AUTS2: variants seen among roughly 807,000 people sequenced by gnomAD.
AUTS2 encodes the protein autism susceptibility gene 2 protein.
A neutral mutation model predicts 112.4 loss-of-function variants in AUTS2; 17 were observed. That is an observed-to-expected ratio of 0.15 (90% CI 0.10 to 0.23). The LOEUF is 0.23. AUTS2 is among the 10% of genes least tolerant of loss of function. The pLI is 1.00. For missense variants in AUTS2, 1,510 were observed against 1,701.6 expected (o/e 0.89, Z 1.98); for synonymous variants, 751 against 702.7 (o/e 1.07, Z -1.09).
At chr7:69,998,714 G>C (rs955602397) in intron 2 of AUTS2, among the ~76,000 whole-genome samples, 1 of 152,072 alleles carries the variant, frequency 6.6e-6, no homozygotes, top group African/African-American at 2.4e-5. Flanking sequence ...GGGGAATATA[G>C]AAAAAAGTAT....
chr7:70,362,018 T>C (rs1585057678), intron 4 of AUTS2, among the ~76,000 whole-genome samples: 1 of 152,228 alleles, frequency 6.6e-6, no homozygotes, highest in East Asian at 1.9e-4. Context: ...AAAGTGATTA[T>C]TATGTAAACC....
chr7:70,194,654 C>G (rs1218063118), intron 4 of AUTS2: 2 of 152,164 alleles, frequency 1.3e-5, no homozygotes, highest in African/African-American at 4.8e-5. Flanking sequence ...TGTTTGCTAT[C>G]TCTCCCATCC....
intron 1 of AUTS2, among the ~76,000 whole-genome samples, chr7:69,664,769 T>C (rs1333899566): frequency 6.6e-6 from 1 of 152,120 alleles, no homozygotes. Context: ...GTTGAAGAGG[T>C]TAACGATATA....
intron 5 of AUTS2, among the ~76,000 whole-genome samples, chr7:70,515,272 G>C (rs777684950): frequency 3.3e-5 from 5 of 152,202 alleles, no homozygotes; most frequent in Non-Finnish European, 5.9e-5. Flanking sequence ...GGATTGCAGA[G>C]AGGAGAGGCT....
In AUTS2 at chr7:70,285,618, G is replaced by A. The variant is rs1405913339; in HGVS notation, c.661-150134G>A. On this transcript the variant is annotated intron_variant, in intron 4 of 18. Coordinates refer to ENST00000342771, the MANE Select transcript of AUTS2 (RefSeq NM_015570.4). ...TGTCTCCCTGAAATCTTCTTCAGCTGCTTCCATGTACTGATATCTTCTTCC... is the reference window on the plus strand; with the variant it reads ...TGTCTCCCTGAAATCTTCTTCAGCTACTTCCATGTACTGATATCTTCTTCC... 1.2e-4 allele frequency among the ~76,000 whole-genome samples: 18 copies of A among 152,118 alleles called. 1 individual carries two copies. The highest frequency in any genetic ancestry group is 1.2e-3 in the Admixed American group (18 of 15,256).
intron 4 of AUTS2, among the ~76,000 whole-genome samples, chr7:70,279,893 C>T (rs1788123661): frequency 6.6e-6 from 1 of 152,124 alleles, no homozygotes; most frequent in Non-Finnish European, 1.5e-5. Flanking sequence ...TATTTGTCTA[C>T]AGTAAGAGTT....
chr7:70,638,609 C>T (rs1329174129), intron 5 of AUTS2, among the ~76,000 whole-genome samples: 1 of 152,146 alleles, frequency 6.6e-6, no homozygotes, highest in Non-Finnish European at 1.5e-5. Context: ...CGAGCACAGG[C>T]CTGTCACACA....
intron 2 of AUTS2, among the ~76,000 whole-genome samples, chr7:70,107,575 C>T (rs887938539): frequency 1.3e-5 from 2 of 150,082 alleles, no homozygotes; most frequent in Non-Finnish European, 3.0e-5. Context: ...ATCTCCTGAC[C>T]TCGTGATCCG....
chr7:70,500,888 G>A (rs570492123), intron 5 of AUTS2, among the ~76,000 whole-genome samples: 1 of 151,998 alleles, frequency 6.6e-6, no homozygotes, highest in South Asian at 2.1e-4. Context: ...ACGCCCAGTT[G>A]ATTTTTGTAT....
chr7:70,516,214 T>C (rs1465585746), intron 5 of AUTS2, among the ~76,000 whole-genome samples: 1 of 152,180 alleles, frequency 6.6e-6, no homozygotes, highest in Admixed American at 6.5e-5. Flanking sequence ...GTTTTTTACC[T>C]ATAAAGATGT....
intron 5 of AUTS2, among the ~76,000 whole-genome samples, chr7:70,605,465 C>T (rs1264930149): frequency 6.6e-6 from 1 of 151,210 alleles, no homozygotes; most frequent in Non-Finnish European, 1.5e-5. Context: ...CTACCAGGTA[C>T]TCCTGGTACT....
Position 70,060,142 on chromosome 7 carries a change from A to G in AUTS2, c.523-57990A>G, listed in dbSNP as rs189704877. Among the ~76,000 whole-genome samples, 368 of 152,344 alleles carry G rather than the reference A, an allele frequency of 2.4e-3. 1 individual carries two copies. Among genetic ancestry groups the G allele is most frequent in the Middle Eastern group, 0.017 (5 of 294 alleles). ...CCATCCTTTTTGACATTTAGGGACCATAGGTTTTAATAACATTGAACAAAG... is the reference window on the plus strand; with the variant it reads ...CCATCCTTTTTGACATTTAGGGACCGTAGGTTTTAATAACATTGAACAAAG... On this transcript the variant is annotated intron_variant, in intron 2 of 18. Coordinates refer to ENST00000342771, the MANE Select transcript of AUTS2 (RefSeq NM_015570.4).
At chr7:70,597,158 A>G (rs775796141) in intron 5 of AUTS2, among the ~76,000 whole-genome samples, 1 of 152,256 alleles carries the variant, frequency 6.6e-6, no homozygotes, top group Non-Finnish European at 1.5e-5. Flanking sequence ...CAAGCAATGC[A>G]AACTTAGATG....
intron 4 of AUTS2, among the ~76,000 whole-genome samples, chr7:70,339,289 A>G (rs1373336498): frequency 6.6e-6 from 1 of 152,080 alleles, no homozygotes; most frequent in Admixed American, 6.5e-5. Context: ...TCTTATTGTT[A>G]TTATCTCTTT....
intron 2 of AUTS2, among the ~76,000 whole-genome samples, chr7:69,927,203 T>C (rs531552293): frequency 1.4e-5 from 2 of 147,720 alleles, no homozygotes; most frequent in African/African-American, 4.9e-5. Context: ...TATATATATA[T>C]ATACATACTA....
At chr7:69,910,685 G>C (rs901792457) in intron 2 of AUTS2, among the ~76,000 whole-genome samples, 4 of 152,162 alleles carry the variant, frequency 2.6e-5, no homozygotes, top group African/African-American at 9.7e-5. Context: ...CTGGAGTGTA[G>C]TGGTGTGATC....
chr7:70,537,367 TTC>T (rs1800366567), intron 5 of AUTS2, among the ~76,000 whole-genome samples: 1 of 152,240 alleles, frequency 6.6e-6, no homozygotes, highest in Non-Finnish European at 1.5e-5. Context: ...TCAGAATTAA[TTC>T]TCTTTGCTTA....
intron 1 of AUTS2, among the ~76,000 whole-genome samples, chr7:69,621,388 C>T (rs1793654486): frequency 1.3e-5 from 2 of 151,702 alleles, no homozygotes; most frequent in Admixed American, 1.3e-4. Flanking sequence ...CCACCCCTAC[C>T]CCACTCGCCT....
chr7:69,915,965 T>C (rs1795564811), intron 2 of AUTS2, among the ~76,000 whole-genome samples: 1 of 152,188 alleles, frequency 6.6e-6, no homozygotes, highest in South Asian at 2.1e-4. Flanking sequence ...GCAATTCTCT[T>C]GCCTTGGCCT....
Sources: gnomAD v4.1 joint callset for allele counts (sites outside exome capture counted in the v4.1 genomes callset) on GRCh38, gnomAD v4.1.1 for gene constraint, MANE v1.5 for transcripts, NCBI Gene and HGNC (gene_info 2026-07-23, HGNC 2026-07-21) for gene names.